Variants in KCNQ3 observed in about 807,000 individuals in gnomAD.
The protein encoded by KCNQ3 is potassium voltage-gated channel subfamily KQT member 3.
Under a neutral mutation model 92.5 loss-of-function variants are expected in KCNQ3, and 30 were observed. The ratio of observed to expected loss-of-function variants is 0.32; its 90% CI spans 0.24 to 0.44. The LOEUF (loss-of-function observed/expected upper bound fraction) is 0.44, where lower values mean the gene tolerates loss of function less well. Ranked by LOEUF, KCNQ3 falls within the 20% of genes least tolerant of loss-of-function variation. The pLI, the probability that KCNQ3 is intolerant of heterozygous loss-of-function variation, is 1.00. For synonymous variants in KCNQ3, 450 were observed against 468.8 expected, an observed-to-expected ratio of 0.96 and a Z score of 0.52; for missense variants, 913 against 1,140.3, an observed-to-expected ratio of 0.80 and a Z score of 2.87.
intron 1 of KCNQ3, among the ~76,000 whole-genome samples, chr8:132,210,011 T>C (rs1338472994): frequency 6.6e-6 from 1 of 152,156 alleles, no homozygotes; most frequent in Non-Finnish European, 1.5e-5. Context: ...AGGATATTCT[T>C]CCAGGATGTA....
chr8:132,412,467 A>G (rs1820676870), intron 1 of KCNQ3, among the ~76,000 whole-genome samples: 1 of 152,202 alleles, frequency 6.6e-6, no homozygotes, highest in Non-Finnish European at 1.5e-5. Flanking sequence ...GACACCTCCA[A>G]CCAGGATTCA....
chr8:132,327,339 G>A (rs904905330), intron 1 of KCNQ3, among the ~76,000 whole-genome samples: 1 of 152,140 alleles, frequency 6.6e-6, no homozygotes, highest in African/African-American at 2.4e-5. Context: ...TTCCCATAGT[G>A]TCTCTATGAA....
chr8:132,309,833 T>C (rs553801268), intron 1 of KCNQ3, among the ~76,000 whole-genome samples: 4 of 152,314 alleles, frequency 2.6e-5, no homozygotes, highest in African/African-American at 7.2e-5. Context: ...CTCTGAGCTG[T>C]GAAATACTAA....
At chr8:132,140,393 G>A (rs1193206109) in intron 10 of KCNQ3, 2 of 556,756 alleles carry the variant, frequency 3.6e-6, no homozygotes, top group Non-Finnish European at 3.2e-6. Context: ...AGTCAAAAGT[G>A]TGCGCAGCTC....
chr8:132,177,203 T>G (rs779647730), intron 4 of KCNQ3, among the ~76,000 whole-genome samples: 5 of 152,226 alleles, frequency 3.3e-5, no homozygotes, highest in Non-Finnish European at 5.9e-5. Context: ...CTGACTGTTC[T>G]GGATTAATAA....
At chr8:132,313,998 C>A (rs934800676) in intron 1 of KCNQ3, among the ~76,000 whole-genome samples, 3 of 152,006 alleles carry the variant, frequency 2.0e-5, no homozygotes, top group Admixed American at 1.3e-4. Flanking sequence ...TAATTTTGCT[C>A]AGAATAATAC....
intron 1 of KCNQ3, among the ~76,000 whole-genome samples, chr8:132,277,599 C>T (rs944459960): frequency 6.6e-6 from 1 of 152,214 alleles, no homozygotes; most frequent in South Asian, 2.1e-4. Flanking sequence ...CTAAAAATTA[C>T]TAACCTTCTA....
intron 1 of KCNQ3, among the ~76,000 whole-genome samples, chr8:132,236,038 G>A (rs923689542): frequency 2.6e-5 from 4 of 152,166 alleles, no homozygotes; most frequent in Admixed American, 2.6e-4. Flanking sequence ...TGATAAATGG[G>A]CTTCTTTTCT....
At chr8:132,461,988 C>A (rs1822071259) in intron 1 of KCNQ3, among the ~76,000 whole-genome samples, 1 of 152,108 alleles carries the variant, frequency 6.6e-6, no homozygotes, top group African/African-American at 2.4e-5. Context: ...ATTGTCTTAA[C>A]CATGTCTTTT....
intron 1 of KCNQ3, among the ~76,000 whole-genome samples, chr8:132,394,292 A>G (rs1363803439): frequency 6.6e-6 from 1 of 152,200 alleles, no homozygotes; most frequent in African/African-American, 2.4e-5. Flanking sequence ...GGGACTCAGG[A>G]AAGCTGAGTT....
chr8:132,241,166 G>C (rs992784718), intron 1 of KCNQ3, among the ~76,000 whole-genome samples: 10 of 152,116 alleles, frequency 6.6e-5, no homozygotes, highest in Non-Finnish European at 1.3e-4. Context: ...TGAGATTACA[G>C]GTGTGAGCCA....
chr8:132,224,081 ATTTTTTTTT>A (rs1164773143), intron 1 of KCNQ3, among the ~76,000 whole-genome samples: 6 of 39,474 alleles, frequency 1.5e-4, no homozygotes, highest in Admixed American at 3.3e-4. Context: ...ATGCCAGGCT[ATTTTTTTTT>A]TTTTTTTTTT....
At chr8:132,429,235 T>A (rs1262501307) in intron 1 of KCNQ3, among the ~76,000 whole-genome samples, 1 of 152,206 alleles carries the variant, frequency 6.6e-6, no homozygotes, top group Non-Finnish European at 1.5e-5. Context: ...GCAGGCATCT[T>A]GTCTCCTTAT....
chr8:132,192,941 C>CA (rs1827202719), intron 1 of KCNQ3, among the ~76,000 whole-genome samples: 2 of 152,174 alleles, frequency 1.3e-5, no homozygotes, highest in Non-Finnish European at 2.9e-5. Flanking sequence ...GCCACAGTGC[C>CA]CGGTCTTTCT....
Position 132,331,929 on chromosome 8 carries a change from T to C in KCNQ3, c.387-145748A>G, listed in dbSNP as rs140351499. On this transcript the variant is annotated intron_variant, in intron 1 of 14. Coordinates refer to ENST00000388996, the MANE Select transcript of KCNQ3 (RefSeq NM_004519.4). The stretch of plus-strand genomic sequence containing the variant: ...GGCATGCCAGTCAGAAGTTCTGTGG[T>C]AGACAGTGGTTGGCAGTCTCTAAGA... 2.0e-3 allele frequency among the ~76,000 whole-genome samples: 312 copies of C among 152,250 alleles called. 1 individual carries two copies. Among genetic ancestry groups the C allele is most frequent in the African/African-American group, 7.2e-3 (301 of 41,554 alleles).
At chr8:132,361,061 T>A (rs1040929509) in intron 1 of KCNQ3, among the ~76,000 whole-genome samples, 1 of 152,142 alleles carries the variant, frequency 6.6e-6, no homozygotes, top group East Asian at 1.9e-4. Context: ...TCTCATCTAA[T>A]AACCAATGCA....
At chr8:132,316,211 G>A (rs1817737814) in intron 1 of KCNQ3, among the ~76,000 whole-genome samples, 1 of 152,046 alleles carries the variant, frequency 6.6e-6, no homozygotes, top group Non-Finnish European at 1.5e-5. Flanking sequence ...GTGCACTGTG[G>A]CATAAGCTCT....
At chr8:132,367,264 C>G (rs1435801427) in intron 1 of KCNQ3, among the ~76,000 whole-genome samples, 1 of 151,506 alleles carries the variant, frequency 6.6e-6, no homozygotes, top group Non-Finnish European at 1.5e-5. Context: ...TTTTTTTTTC[C>G]TTCTTCAATA....
intron 1 of KCNQ3, among the ~76,000 whole-genome samples, chr8:132,198,169 T>C (rs950613519): frequency 6.6e-6 from 1 of 152,174 alleles, no homozygotes. Context: ...GCCCGTGTAG[T>C]ATAGAACCAA....
Sources: gnomAD v4.1 joint callset for allele counts (sites outside exome capture counted in the v4.1 genomes callset) on GRCh38, gnomAD v4.1.1 for gene constraint, MANE v1.5 for transcripts, NCBI Gene and HGNC (gene_info 2026-07-23, HGNC 2026-07-21) for gene names.